SGMS2: variants seen among roughly 807,000 people sequenced by gnomAD.
The protein encoded by SGMS2 is sphingomyelin synthase 2, also known as phosphatidylcholine:ceramide cholinephosphotransferase 2.
Under a neutral mutation model 43.8 loss-of-function variants are expected in SGMS2, and 21 were observed. That is an observed-to-expected ratio of 0.48 (90% CI 0.34 to 0.69). SGMS2 has a LOEUF of 0.69. Among genes scored for constraint, SGMS2 ranks in the 30% least tolerant of loss-of-function variants. SGMS2 has a pLI of 0.01. For synonymous variants in SGMS2, 167 were observed against 160.6 expected (o/e 1.04, Z -0.30); for missense variants, 384 against 443.2 (o/e 0.87, Z 1.20).
intron 2 of SGMS2, chr4:107,894,134 C>G (rs1263417644): frequency 6.6e-6 from 1 of 152,192 alleles, no homozygotes; most frequent in African/African-American, 2.4e-5. Flanking sequence ...TAAATAAAGG[C>G]TTAGCTGTCA....
chr4:107,880,874 AAAAG>A (rs1262121021), intron 2 of SGMS2, among the ~76,000 whole-genome samples: 1 of 151,768 alleles, frequency 6.6e-6, no homozygotes, highest in Non-Finnish European at 1.5e-5. Flanking sequence ...AAAAGAAAGA[AAAAG>A]AAAAAAGAAA....
intron 1 of SGMS2, among the ~76,000 whole-genome samples, chr4:107,831,134 C>T (rs1353948061): frequency 6.6e-6 from 1 of 152,150 alleles, no homozygotes; most frequent in Non-Finnish European, 1.5e-5. Context: ...GGAAGTAGAG[C>T]AGGGAGTTGA....
At chr4:107,831,689 A>G (rs1019841767) in intron 1 of SGMS2, among the ~76,000 whole-genome samples, 2 of 152,258 alleles carry the variant, frequency 1.3e-5, no homozygotes, top group South Asian at 4.1e-4. Context: ...TCCACATTCA[A>G]GTGTTACATC....
At chr4:107,825,812 A>G (rs2125978100) in intron 1 of SGMS2, among the ~76,000 whole-genome samples, 1 of 152,180 alleles carries the variant, frequency 6.6e-6, no homozygotes, top group Non-Finnish European at 1.5e-5. Flanking sequence ...ATCCAGAGGT[A>G]TGGATAATCA....
At chr4:107,888,683 T>G (rs1325162195) in intron 2 of SGMS2, among the ~76,000 whole-genome samples, 1 of 152,182 alleles carries the variant, frequency 6.6e-6, no homozygotes, top group Non-Finnish European at 1.5e-5. Flanking sequence ...TACATAACCT[T>G]TAAATAAGCT....
rs1441408393 is a variant in SGMS2 at position 107,895,510 on chromosome 4, C to A, written c.-44C>A. On this transcript the variant is annotated 5_prime_UTR_variant, in exon 3 of 7. Coordinates refer to ENST00000690982, the MANE Select transcript of SGMS2 (RefSeq NM_001375905.1). ...AAAAAAGCTAAATTTCCACAAAGAA[C>A]AAGAACTTGACCATCTCCTTTTTGA... The A allele has an allele frequency of 1.3e-6, 2 of 1,551,422 alleles. No homozygotes were observed. Among genetic ancestry groups the A allele is most frequent in the African/African-American group, 2.8e-5 (2 of 72,302 alleles).
At chr4:107,832,844 A>T (rs1243251507) in intron 1 of SGMS2, among the ~76,000 whole-genome samples, 3 of 152,152 alleles carry the variant, frequency 2.0e-5, no homozygotes, top group African/African-American at 7.2e-5. Flanking sequence ...CCCAGGCAAC[A>T]TGATGCAACC....
At chr4:107,836,447 C>T (rs967984855) in intron 1 of SGMS2, among the ~76,000 whole-genome samples, 1 of 152,186 alleles carries the variant, frequency 6.6e-6, no homozygotes, top group Non-Finnish European at 1.5e-5. Context: ...CTGAGGTTGT[C>T]TGTACCTTCG....
chr4:107,866,004 TA>T (rs1164607882), intron 2 of SGMS2, among the ~76,000 whole-genome samples: 2 of 152,164 alleles, frequency 1.3e-5, no homozygotes, highest in Non-Finnish European at 2.9e-5. Context: ...GAGAATGTGA[TA>T]GGGGTAGGAC....
At chr4:107,840,657 CCTTCCTCTTAATATCA>C (rs1726448093) in intron 1 of SGMS2, among the ~76,000 whole-genome samples, 2 of 152,178 alleles carry the variant, frequency 1.3e-5, no homozygotes, top group African/African-American at 4.8e-5. Flanking sequence ...TTCCCTAACA[CCTTCCTCTTAATATCA>C]AGTATATTAT....
At chr4:107,860,202 A>G (rs982495498) in intron 2 of SGMS2, among the ~76,000 whole-genome samples, 2 of 152,092 alleles carry the variant, frequency 1.3e-5, no homozygotes, top group African/African-American at 2.4e-5. Context: ...TCTGCAATGT[A>G]TGTTTTTTTT....
Position 107,910,341 on chromosome 4 carries a change from C to A in SGMS2, c.895-9C>A. The A allele has an allele frequency of 2.5e-6, 4 of 1,608,544 alleles. No individual in the cohort carries two copies. Among genetic ancestry groups the A allele is most frequent in the Non-Finnish European group, 2.5e-6 (3 of 1,176,982 alleles). On this transcript the variant is annotated splice_polypyrimidine_tract_variant and intron_variant, in intron 6 of 6. Coordinates refer to ENST00000690982, the MANE Select transcript of SGMS2 (RefSeq NM_001375905.1). The stretch of plus-strand genomic sequence containing the variant: ...ATGTCTCATTTAAATTTTTTTCTAC[C>A]ATTTACAGAACTTGAAGGTCTCTTC...
At chr4:107,851,371 CAGATT>C (rs1329744668) in intron 1 of SGMS2, among the ~76,000 whole-genome samples, 4 of 152,138 alleles carry the variant, frequency 2.6e-5, no homozygotes, top group African/African-American at 9.7e-5. Context: ...AGGACAACAA[CAGATT>C]AGGAGAGAGG....
chr4:107,849,443 G>A (rs890349849), intron 1 of SGMS2, among the ~76,000 whole-genome samples: 7 of 152,088 alleles, frequency 4.6e-5, no homozygotes, highest in African/African-American at 1.4e-4. Context: ...CATGTACCTT[G>A]TAGCTGTTGT....
Position 107,912,639 on chromosome 4 carries a change from G to C in SGMS2, c.*2086G>C, listed in dbSNP as rs1380836513. On this transcript the variant is annotated 3_prime_UTR_variant, in exon 7 of 7. Transcript: ENST00000690982. ...ACACCTTACAGCCTTATTCATCTGT[G>C]TCTGGATAACTCACTTTTCATCTAT... 5 of 152,030 alleles carry C rather than the reference G, an allele frequency of 3.3e-5. No individual in the cohort carries two copies. Among genetic ancestry groups the C allele is most frequent in the Admixed American group, 2.0e-4 (3 of 15,254 alleles). 9.4% of individuals were successfully genotyped at this position (152,030 alleles called of 1,614,324 possible).
intron 1 of SGMS2, among the ~76,000 whole-genome samples, chr4:107,844,915 G>C (rs1177275507): frequency 6.6e-6 from 1 of 152,204 alleles, no homozygotes; most frequent in East Asian, 1.9e-4. Context: ...TCCTAATGGA[G>C]ACTGGACCAT....
chr4:107,890,759 C>T (rs527286839), intron 2 of SGMS2, among the ~76,000 whole-genome samples: 4 of 150,924 alleles, frequency 2.7e-5, no homozygotes, highest in African/African-American at 9.8e-5. Flanking sequence ...CACATGTAAA[C>T]GTACAGACAC....
At chr4:107,865,468 G>A (rs1728047622) in intron 2 of SGMS2, among the ~76,000 whole-genome samples, 1 of 152,148 alleles carries the variant, frequency 6.6e-6, no homozygotes, top group African/African-American at 2.4e-5. Flanking sequence ...GCCTTTTAAA[G>A]TACCAACTAT....
intron 2 of SGMS2, among the ~76,000 whole-genome samples, chr4:107,858,847 C>T (rs910783158): frequency 6.6e-6 from 1 of 152,184 alleles, no homozygotes; most frequent in African/African-American, 2.4e-5. Context: ...AACCCCATAA[C>T]TTTCTAACCT....
Sources: gnomAD v4.1 joint callset for allele counts (sites outside exome capture counted in the v4.1 genomes callset) on GRCh38, gnomAD v4.1.1 for gene constraint, MANE v1.5 for transcripts, NCBI Gene and HGNC (gene_info 2026-07-23, HGNC 2026-07-21) for gene names.